Variants in ZNF117 observed in about 807,000 individuals in gnomAD.
ZNF117 encodes zinc finger protein 117.
A neutral mutation model predicts 41.2 loss-of-function variants in ZNF117; 37 were observed. The observed-to-expected ratio is 0.90, with a 90% CI of 0.69 to 1.18. The LOEUF (loss-of-function observed/expected upper bound fraction) is 1.18. Ranked by LOEUF, ZNF117 falls within the 50% of genes most tolerant of loss-of-function variation. ZNF117 has a pLI of 0.00. For synonymous variants in ZNF117, 186 were observed against 186.6 expected, an observed-to-expected ratio of 1.00 and a Z score of 0.02; for missense variants, 546 against 557.5, an observed-to-expected ratio of 0.98 and a Z score of 0.21.
At chr7:64,979,293 A>G in exon 3 of ZNF117, 2 of 1,588,466 alleles carry the variant, frequency 1.3e-6, no homozygotes, top group Non-Finnish European at 1.7e-6. Flanking sequence ...TGAATTTGAA[A>G]TTTTATGGAA....
At chr7:64,976,659 C>G in exon 3 of ZNF117, 2 of 285,480 alleles carry the variant, frequency 7.0e-6, no homozygotes, top group South Asian at 6.8e-5. Flanking sequence ...GGAGTTTCCT[C>G]CAGTATAAAT....
At chr7:64,981,690 ATTG>A (rs1468400734) in intron 1 of ZNF117, among the ~76,000 whole-genome samples, 3 of 152,078 alleles carry the variant, frequency 2.0e-5, no homozygotes, top group Non-Finnish European at 4.4e-5. Flanking sequence ...AATCAAAACA[ATTG>A]TTGTTGGGAG....
chr7:64,974,721 A>T (rs542748663), exon 3 of ZNF117: 11 of 152,060 alleles, frequency 7.2e-5, no homozygotes, highest in Middle Eastern at 6.8e-3. Flanking sequence ...AGGACTCAGA[A>T]TTTTAAGACT....
exon 3 of ZNF117, chr7:64,977,147 C>T: frequency 2.1e-6 from 1 of 482,088 alleles, no homozygotes. Context: ...TACATTTGTA[C>T]AGTTTCTCTC....
exon 3 of ZNF117, chr7:64,977,923 T>C (rs1785925993): frequency 8.1e-7 from 1 of 1,231,986 alleles, no homozygotes; most frequent in South Asian, 1.2e-5. Flanking sequence ...CCAGTATGAA[T>C]TCTTTTATGT....
exon 3 of ZNF117, chr7:64,977,920 G>T (rs1785925858): frequency 2.4e-6 from 3 of 1,230,666 alleles, no homozygotes; most frequent in Non-Finnish European, 3.6e-6. Context: ...TCTCCAGTAT[G>T]AATTCTTTTA....
exon 3 of ZNF117, chr7:64,977,630 G>C (rs1014769847): frequency 2.3e-5 from 16 of 710,840 alleles, no homozygotes; most frequent in Non-Finnish European, 3.6e-5. Flanking sequence ...TAAAAGCTTT[G>C]CCACATTCTT....
At chr7:64,991,008 G>C (rs1786249900) in exon 1 of ZNF117, 1 of 432,250 alleles carries the variant, frequency 2.3e-6, no homozygotes, top group African/African-American at 2.0e-5. Flanking sequence ...TTCTTGGCAG[G>C]GGTTAATACT....
chr7:64,979,442 T>C (rs1232310295), exon 3 of ZNF117: 13 of 1,609,980 alleles, frequency 8.1e-6, no homozygotes, highest in African/African-American at 1.3e-5. Context: ...AATTCTCATA[T>C]CCACATTTTC....
exon 3 of ZNF117, chr7:64,976,974 T>C (rs1785901377): frequency 1.9e-6 from 1 of 534,692 alleles, no homozygotes; most frequent in South Asian, 1.4e-5. Context: ...TTCTTCACAT[T>C]TGTAGGGTTT....
chr7:64,976,165 G>C (rs936589950), exon 3 of ZNF117: 1 of 152,138 alleles, frequency 6.6e-6, no homozygotes, highest in Non-Finnish European at 1.5e-5. Flanking sequence ...ATATTTGTCA[G>C]GCACAGTGAC....
chr7:64,979,423 T>C (rs756716998), exon 3 of ZNF117: 3 of 1,610,572 alleles, frequency 1.9e-6, no homozygotes, highest in Middle Eastern at 1.7e-4. Context: ...CAGCCTTTTC[T>C]TAACTGTAAA....
At chr7:64,977,484 G>A (rs1785916563) in exon 3 of ZNF117, 1 of 491,540 alleles carries the variant, frequency 2.0e-6, no homozygotes, top group African/African-American at 2.0e-5. Context: ...ACATTTGTAA[G>A]GTTTCTCTCC....
At chr7:64,972,413 GTAAA>G (rs1165258354), downstream of ZNF117, 1 of 151,950 alleles carries the variant, frequency 6.6e-6, no homozygotes, top group African/African-American at 2.4e-5. Flanking sequence ...ACATTTATGA[GTAAA>G]TAAAGACAAT....
exon 3 of ZNF117, chr7:64,978,839 G>A (rs879203310): frequency 9.9e-6 from 16 of 1,613,020 alleles, no homozygotes; most frequent in East Asian, 4.5e-5. Context: ...GTTTCTCTCC[G>A]GTATGAATTA....
exon 3 of ZNF117, chr7:64,978,016 G>A: frequency 1.5e-6 from 2 of 1,338,354 alleles, no homozygotes; most frequent in South Asian, 1.3e-5. Flanking sequence ...ATCATCTTAT[G>A]TTTAGTAAGG....
intron 2 of ZNF117, 97 bp from the exon 4 acceptor site, chr7:64,979,633 A>C: frequency 2.1e-6 from 2 of 945,522 alleles, no homozygotes; most frequent in Non-Finnish European, 2.9e-6. Context: ...CTACATAAGC[A>C]AGATGGCATA....
At chr7:64,980,435 CACAG>C (rs1323517265) in intron 2 of ZNF117, 1 of 150,296 alleles carries the variant, frequency 6.7e-6, no homozygotes, top group Non-Finnish European at 1.5e-5. Flanking sequence ...GAAATAGAAA[CACAG>C]ACAACTATTA....
chr7:64,979,396 A>G lies in ZNF117; in HGVS notation c.175T>C (p.Cys59Arg), dbSNP rs1359883576. The change falls in exon 3 of 3, where the codon TGT becomes CGT. Residue 59 changes from cysteine (C) to arginine (R), a missense_variant. Physicochemically the swap from Cys to Arg is radical, Grantham distance 180. Transcript: ENST00000620222. Reference sequence around the variant, plus strand: ...CTATAATCTCCTTTGTGCTGTTTACACTCAACCACACTTTTACAGCCTTTT... The same window carrying G: ...CTATAATCTCCTTTGTGCTGTTTACGCTCAACCACACTTTTACAGCCTTTT... 3.1e-6 allele frequency: 5 copies of G among 1,610,634 alleles called. No individual in the cohort carries two copies. The African/African-American group carries it at 6.7e-5, about 22-fold the overall frequency.
Sources: gnomAD v4.1 joint callset for allele counts (sites outside exome capture counted in the v4.1 genomes callset) on GRCh38, gnomAD v4.1.1 for gene constraint, MANE v1.5 for transcripts, NCBI Gene and HGNC (gene_info 2026-07-23, HGNC 2026-07-21) for gene names.